Variants in WSCD2 observed in about 807,000 individuals in gnomAD.
The protein encoded by WSCD2 is WSC domain sialate O sulfotransferase 2.
Under a neutral mutation model 55.7 loss-of-function variants are expected in WSCD2, and 28 were observed. The observed-to-expected ratio is 0.50, with a 90% CI of 0.37 to 0.69. The LOEUF (loss-of-function observed/expected upper bound fraction) is 0.69. Among genes scored for constraint, WSCD2 ranks in the 30% least tolerant of loss-of-function variants. WSCD2 has a pLI of 0.00. For missense variants in WSCD2, 616 were observed against 762.1 expected (o/e 0.81, Z 2.26); for synonymous variants, 301 against 301.9 (o/e 1.00, Z 0.03).
chr12:108,162,269 C>T (rs1169919967), intron 1 of WSCD2, among the ~76,000 whole-genome samples: 3 of 152,196 alleles, frequency 2.0e-5, no homozygotes. Flanking sequence ...TCCTTGCAGG[C>T]TCACATCTCT....
At position 108,210,106 on chromosome 12, in the gene WSCD2, A is replaced by T. The variant is rs1372941093; in HGVS notation, c.498-15A>T. ...CATGGTGGCAGCTACCCTGCTTGAC[A>T]GCAGCCTCCCCCAGGGGTTACCTGT... On this transcript the variant is annotated splice_polypyrimidine_tract_variant and intron_variant, in intron 3 of 8. Coordinates refer to ENST00000547525, the MANE Select transcript of WSCD2 (RefSeq NM_014653.4). The surrounding 1 kb of genome is among the most constrained non-coding windows in gnomAD (Gnocchi z 4.3). 1.2e-6 allele frequency: 2 copies of T among 1,613,974 alleles called. No homozygotes were observed. The highest frequency in any genetic ancestry group is 2.2e-5 in the South Asian group (2 of 91,062).
chr12:108,134,539 G>A (rs1016122045), intron 1 of WSCD2, among the ~76,000 whole-genome samples: 1 of 152,118 alleles, frequency 6.6e-6, no homozygotes, highest in Non-Finnish European at 1.5e-5. Context: ...GTCACAAGCA[G>A]ATCGGCAAAA....
chr12:108,233,961 A>G (rs1285418183), intron 7 of WSCD2, among the ~76,000 whole-genome samples: 1 of 152,134 alleles, frequency 6.6e-6, no homozygotes, highest in Non-Finnish European at 1.5e-5. Context: ...AATTTACTGT[A>G]CCTACCTCTC....
intron 1 of WSCD2, among the ~76,000 whole-genome samples, chr12:108,187,803 G>C (rs1415031622): frequency 6.6e-6 from 1 of 152,106 alleles, no homozygotes; most frequent in Non-Finnish European, 1.5e-5. Context: ...GAGGCCCCTT[G>C]CTGAAGATCA....
chr12:108,179,526 T>G (rs977646150), intron 1 of WSCD2, among the ~76,000 whole-genome samples: 1 of 152,252 alleles, frequency 6.6e-6, no homozygotes, highest in Non-Finnish European at 1.5e-5. Flanking sequence ...AAGACCAGCT[T>G]GCTGTGTGAG....
intron 7 of WSCD2, among the ~76,000 whole-genome samples, chr12:108,239,379 T>A (rs1889525110): frequency 6.6e-6 from 1 of 152,196 alleles, no homozygotes; most frequent in South Asian, 2.1e-4. Flanking sequence ...TCAGTGATTT[T>A]GGTTGAGCTG....
intron 1 of WSCD2, among the ~76,000 whole-genome samples, chr12:108,130,260 C>A (rs192816666): frequency 7.2e-4 from 109 of 152,288 alleles, no homozygotes; most frequent in African/African-American, 2.6e-3. Flanking sequence ...CAGTGGGCCC[C>A]GTAAATTTGA....
At chr12:108,164,532 C>T (rs1167167364) in intron 1 of WSCD2, among the ~76,000 whole-genome samples, 3 of 152,138 alleles carry the variant, frequency 2.0e-5, no homozygotes, top group Non-Finnish European at 2.9e-5. Context: ...TTGAAGGACA[C>T]ATGGCTGATT....
chr12:108,170,983 A>G (rs1490114629), intron 1 of WSCD2, among the ~76,000 whole-genome samples: 1 of 152,204 alleles, frequency 6.6e-6, no homozygotes, highest in East Asian at 1.9e-4. Context: ...GCTTCAGAGC[A>G]TACAAAGCCC....
At position 108,240,471 on chromosome 12, in the gene WSCD2, C is replaced by G. The variant is rs372334494; in HGVS notation, c.1272C>G (p.Ala424=). 2.7e-4 allele frequency: 432 copies of G among 1,614,020 alleles called. 2 individuals carry two copies. In the Middle Eastern group the frequency reaches 3.5e-3, roughly 13 times the overall value. Residue 424 remains alanine (A), a synonymous_variant, in exon 8 of 9, where the codon GCC becomes GCG. Transcript: ENST00000547525. ...AILLIRNPYK[A]LMAEFNRKYG... ...TGCTCATCCGCAACCCCTACAAAGC[C>G]CTCATGGCTGAGTTCAACCGCAAGT...
intron 1 of WSCD2, among the ~76,000 whole-genome samples, chr12:108,191,218 C>T (rs1046638106): frequency 7.2e-5 from 11 of 152,214 alleles, no homozygotes; most frequent in African/African-American, 2.7e-4. Flanking sequence ...TATGGGAGAA[C>T]GTATTTGTAA....
chr12:108,236,079 T>C (rs542411548), intron 7 of WSCD2, among the ~76,000 whole-genome samples: 13 of 152,366 alleles, frequency 8.5e-5, no homozygotes, highest in Admixed American at 2.6e-4. Context: ...AGTTCAAGAA[T>C]GCACTGGAGA....
intron 1 of WSCD2, among the ~76,000 whole-genome samples, chr12:108,180,328 T>G (rs1881553116): frequency 3.9e-5 from 6 of 152,246 alleles, no homozygotes; most frequent in African/African-American, 1.4e-4. Context: ...GGAGAATATT[T>G]GGCTCCCACT....
chr12:108,197,906 G>A (rs1470731258), intron 2 of WSCD2, among the ~76,000 whole-genome samples: 1 of 149,832 alleles, frequency 6.7e-6, no homozygotes, highest in African/African-American at 2.5e-5. Flanking sequence ...TCTATCCCAA[G>A]ATCTCTGTAT....
chr12:108,227,294 G>A, intron 6 of WSCD2, 130 bp downstream of exon 6: 1 of 1,109,980 alleles, frequency 9.0e-7, no homozygotes, highest in Non-Finnish European at 1.3e-6. Context: ...GGGCAGGGCT[G>A]ATGAACTCCA....
chr12:108,216,318 A>G (rs1017470398), intron 4 of WSCD2, among the ~76,000 whole-genome samples: 5 of 152,222 alleles, frequency 3.3e-5, no homozygotes, highest in Admixed American at 3.3e-4. Context: ...TATAATACAC[A>G]CAACATACTT....
intron 1 of WSCD2, among the ~76,000 whole-genome samples, chr12:108,138,386 T>C (rs1290799008): frequency 6.6e-6 from 1 of 152,194 alleles, no homozygotes; most frequent in Non-Finnish European, 1.5e-5. Flanking sequence ...GCTAAGAACT[T>C]GGGCTTTGGG....
rs1885941763 is a variant in WSCD2 at position 108,210,123 on chromosome 12, G to A, written c.500G>A (p.Gly167Asp). ...FRCQDNCAER[G>D]YLYGGLEFGA... The stretch of plus-strand genomic sequence containing the variant: ...TGCTTGACAGCAGCCTCCCCCAGGG[G>A]TTACCTGTATGGCGGGCTGGAGTTC... The change falls in exon 4 of 9, where the codon GGT (glycine) becomes GAT (aspartate). Residue 167 changes from glycine to aspartate, a missense_variant and splice_region_variant. Around this residue, in one of 3 missense-constraint regions of WSCD2, gnomAD observed 374 missense variants for 467.4 expected, o/e 0.80. Coordinates refer to ENST00000547525, the MANE Select transcript of WSCD2 (RefSeq NM_014653.4). This position sits in a 1 kb window ranked among gnomAD's most constrained non-coding sequence, Gnocchi z 4.3. 6.2e-7 allele frequency: 1 copy of A among 1,614,092 alleles called. No individual in the cohort carries two copies. The highest frequency in any genetic ancestry group is 8.5e-7 in the Non-Finnish European group (1 of 1,180,012).
chr12:108,181,840 T>C (rs1881809944), intron 1 of WSCD2, among the ~76,000 whole-genome samples: 1 of 152,204 alleles, frequency 6.6e-6, no homozygotes. Flanking sequence ...ATAACTGTGG[T>C]TGTGCTGAGG....
Sources: allele counts gnomAD v4.1 joint callset (sites outside exome capture counted in the v4.1 genomes callset), GRCh38; gene constraint gnomAD v4.1.1; regional missense constraint gnomAD v4.1.1; non-coding constraint Gnocchi (gnomAD v3.1); transcripts MANE v1.5; gene names NCBI Gene and HGNC (gene_info 2026-07-23, HGNC 2026-07-21).